CDKN2B-AS1: variants seen among roughly 807,000 people sequenced by gnomAD.
CDKN2B-AS1 encodes CDKN2B antisense RNA 1 (non-protein coding).
intron 1 of CDKN2B-AS1, among the ~76,000 whole-genome samples, chr9:22,016,116 A>C (rs1455511198): frequency 6.6e-6 from 1 of 151,976 alleles, no homozygotes; most frequent in Non-Finnish European, 1.5e-5. Flanking sequence ...CCCATTTGTC[A>C]ATTTTGGCTT....
intron 1 of CDKN2B-AS1, among the ~76,000 whole-genome samples, chr9:22,026,350 T>C (rs984750972): frequency 1.3e-4 from 20 of 152,080 alleles, no homozygotes; most frequent in Non-Finnish European, 2.2e-4. Flanking sequence ...ATGAATGGGA[T>C]CGGGGACCAA....
chr9:22,040,941 A>G (rs796295313), intron 1 of CDKN2B-AS1, among the ~76,000 whole-genome samples: 3 of 152,132 alleles, frequency 2.0e-5, no homozygotes, highest in African/African-American at 7.2e-5. Context: ...ATGTATCTCT[A>G]GGCTTTCTCA....
At chr9:22,037,649 A>G (rs1822744127) in intron 1 of CDKN2B-AS1, among the ~76,000 whole-genome samples, 1 of 152,066 alleles carries the variant, frequency 6.6e-6, no homozygotes, top group South Asian at 2.1e-4. Context: ...TTTTCCAGTC[A>G]TATTTCCTGT....
chr9:22,015,207 C>T (rs1312171213), intron 1 of CDKN2B-AS1, among the ~76,000 whole-genome samples: 1 of 152,166 alleles, frequency 6.6e-6, no homozygotes, highest in South Asian at 2.1e-4. Context: ...AATGGTTGAA[C>T]TAGTTTACAG....
chr9:22,099,638 A>G (rs539237617), intron 4 of CDKN2B-AS1, among the ~76,000 whole-genome samples: 42 of 152,154 alleles, frequency 2.8e-4, no homozygotes, highest in Non-Finnish European at 5.0e-4. Context: ...TAGCATCTCA[A>G]ATTAGATGAA....
At chr9:22,025,622 C>T (rs1822200338) in intron 1 of CDKN2B-AS1, among the ~76,000 whole-genome samples, 2 of 152,142 alleles carry the variant, frequency 1.3e-5, no homozygotes, top group African/African-American at 4.8e-5. Flanking sequence ...TCCCTGGTCA[C>T]TTTAGATTTT....
At chr9:22,099,073 G>A (rs948687138) in intron 4 of CDKN2B-AS1, among the ~76,000 whole-genome samples, 17 of 152,224 alleles carry the variant, frequency 1.1e-4, no homozygotes, top group Admixed American at 3.3e-4. Context: ...AACTGGGAAA[G>A]TTCATGGCAG....
intron 4 of CDKN2B-AS1, among the ~76,000 whole-genome samples, chr9:22,073,001 A>G (rs1214628168): frequency 1.3e-5 from 2 of 152,168 alleles, no homozygotes; most frequent in East Asian, 1.9e-4. Flanking sequence ...TTATGGCACA[A>G]TTGATGTTGA....
chr9:22,083,787 G>C (rs1343315813), intron 4 of CDKN2B-AS1, among the ~76,000 whole-genome samples: 2 of 152,160 alleles, frequency 1.3e-5, no homozygotes, highest in Non-Finnish European at 2.9e-5. Flanking sequence ...TGGATGTGTT[G>C]AGATGGACTG....
intron 1 of CDKN2B-AS1, among the ~76,000 whole-genome samples, chr9:22,018,954 AAG>A (rs1049053315): frequency 1.3e-5 from 2 of 152,220 alleles, no homozygotes; most frequent in African/African-American, 4.8e-5. Flanking sequence ...TGAGGGAATC[AAG>A]AGATATTTGA....
intron 2 of CDKN2B-AS1, among the ~76,000 whole-genome samples, chr9:22,048,424 T>C (rs1018342781): frequency 6.6e-6 from 1 of 152,174 alleles, no homozygotes; most frequent in African/African-American, 2.4e-5. Flanking sequence ...CGTGGAATAA[T>C]TTCCATTGAA....
intron 1 of CDKN2B-AS1, chr9:22,029,482 C>T (rs1488920499): frequency 2.6e-6 from 2 of 779,586 alleles, no homozygotes; most frequent in Non-Finnish European, 4.8e-6. Flanking sequence ...ATATTGGTGT[C>T]CATGCTGTGA....
chr9:22,088,418 T>G (rs1269778453), intron 4 of CDKN2B-AS1, among the ~76,000 whole-genome samples: 2 of 146,504 alleles, frequency 1.4e-5, no homozygotes, highest in African/African-American at 5.2e-5. Context: ...AATGCACAAT[T>G]GCACACATAC....
In CDKN2B-AS1 at chr9:22,006,264, A is replaced by C; in HGVS notation, n.29+11103A>C. On this transcript the variant is annotated intron_variant and non_coding_transcript_variant, in intron 1 of 4. Transcript: ENST00000650946. The surrounding 1 kb of genome is among the most constrained non-coding windows in gnomAD (Gnocchi z 6.4). ...CATCATGACCTGCCAGAGAGAGCAG[A>C]GTGGTCAGAGCCAGGGTGGGGGCAG... The C allele has an allele frequency of 6.2e-7, 1 of 1,602,056 alleles. No individual in the cohort carries two copies. Among genetic ancestry groups the C allele is most frequent in the East Asian group, 2.2e-5 (1 of 44,870 alleles).
At chr9:22,052,315 A>G (rs1563948367) in intron 3 of CDKN2B-AS1, among the ~76,000 whole-genome samples, 1 of 152,162 alleles carries the variant, frequency 6.6e-6, no homozygotes, top group Non-Finnish European at 1.5e-5. Context: ...AGTGAATGAA[A>G]TGAATGAATG....
chr9:22,008,600 A>G (rs1300059678), intron 1 of CDKN2B-AS1: 5 of 1,496,672 alleles, frequency 3.3e-6, no homozygotes, highest in South Asian at 1.2e-5. Context: ...AAAAAAGCTT[A>G]AACAGTGGGT....
intron 4 of CDKN2B-AS1, among the ~76,000 whole-genome samples, chr9:22,067,532 ACACACACG>A (rs1435468672): frequency 6.6e-6 from 1 of 151,958 alleles, no homozygotes; most frequent in Non-Finnish European, 1.5e-5. Context: ...AAGAACACAC[ACACACACG>A]CACGCACACA....
chr9:22,051,929 A>G (rs1823363578), intron 3 of CDKN2B-AS1, among the ~76,000 whole-genome samples: 1 of 152,168 alleles, frequency 6.6e-6, no homozygotes, highest in Non-Finnish European at 1.5e-5. Flanking sequence ...TGTGTTAGTT[A>G]AGATCCTGTG....
chr9:21,998,744 C>G (rs984048817), intron 1 of CDKN2B-AS1, among the ~76,000 whole-genome samples: 2 of 152,126 alleles, frequency 1.3e-5, no homozygotes, highest in Non-Finnish European at 2.9e-5. Flanking sequence ...TCTCCTCCTC[C>G]CCAAACTTAA....
Sources: allele counts gnomAD v4.1 joint callset (sites outside exome capture counted in the v4.1 genomes callset), GRCh38; gene constraint gnomAD v4.1.1; non-coding constraint Gnocchi (gnomAD v3.1); transcripts MANE v1.5; gene names NCBI Gene and HGNC (gene_info 2026-07-23, HGNC 2026-07-21).